Variants in ZBTB20 observed in about 807,000 individuals in gnomAD.
ZBTB20 encodes zinc finger and BTB domain containing 20, also known as zinc finger and BTB domain-containing protein 20.
ZBTB20 carries 9 observed loss-of-function variants against 56.9 expected under a neutral mutation model. The observed-to-expected ratio is 0.16, with a 90% CI of 0.10 to 0.28. ZBTB20 has a LOEUF of 0.28. Among genes scored for constraint, ZBTB20 ranks in the 10% least tolerant of loss-of-function variants. The pLI, the probability that ZBTB20 is intolerant of heterozygous loss-of-function variation, is 1.00. For missense variants in ZBTB20, 655 were observed against 1,003.0 expected, an observed-to-expected ratio of 0.65 and a Z score of 4.69; for synonymous variants, 417 against 420.7, an observed-to-expected ratio of 0.99 and a Z score of 0.11.
At chr3:114,571,929 T>C (rs1056890458) in intron 6 of ZBTB20, among the ~76,000 whole-genome samples, 4 of 152,304 alleles carry the variant, frequency 2.6e-5, no homozygotes, top group Middle Eastern at 3.4e-3. Context: ...TACACCTGTA[T>C]ACTCTGTCCC....
intron 6 of ZBTB20, among the ~76,000 whole-genome samples, chr3:114,606,064 T>C (rs2057123908): frequency 6.6e-6 from 1 of 152,154 alleles, no homozygotes; most frequent in South Asian, 2.1e-4. Flanking sequence ...CAGAGAACTG[T>C]ACTTATTGCA....
At chr3:114,386,291 G>A (rs1369626614) in intron 8 of ZBTB20, among the ~76,000 whole-genome samples, 2 of 151,734 alleles carry the variant, frequency 1.3e-5, no homozygotes, top group East Asian at 3.9e-4. Flanking sequence ...TTTAACCTTG[G>A]CAGGGCTGAT....
chr3:114,640,306 C>G (rs2059491432), intron 6 of ZBTB20, among the ~76,000 whole-genome samples: 1 of 152,062 alleles, frequency 6.6e-6, no homozygotes, highest in African/African-American at 2.4e-5. Context: ...TGATTCTCAG[C>G]AGGTGGCACT....
intron 6 of ZBTB20, among the ~76,000 whole-genome samples, chr3:114,666,043 T>C (rs2061037049): frequency 6.6e-6 from 1 of 152,040 alleles, no homozygotes; most frequent in Admixed American, 6.6e-5. Flanking sequence ...ACCGCATGCT[T>C]CCTTTGTCCC....
intron 6 of ZBTB20, chr3:114,658,504 T>C (rs1345802088): frequency 6.6e-6 from 1 of 152,220 alleles, no homozygotes; most frequent in African/African-American, 2.4e-5. Context: ...CTGCTCAGAA[T>C]TGAGATAAAA....
intron 7 of ZBTB20, among the ~76,000 whole-genome samples, chr3:114,395,130 C>T (rs549452422): frequency 1.3e-5 from 2 of 152,240 alleles, no homozygotes; most frequent in East Asian, 1.9e-4. Flanking sequence ...CCACTTCCCT[C>T]GTTTCTTTGC....
At chr3:115,042,779 C>T (rs759704551) in intron 2 of ZBTB20, among the ~76,000 whole-genome samples, 4 of 152,140 alleles carry the variant, frequency 2.6e-5, no homozygotes, top group Non-Finnish European at 5.9e-5. Flanking sequence ...CACAATTAAA[C>T]CAAGAAAGAT....
chr3:114,407,386 CT>C (rs1328079359), intron 7 of ZBTB20, among the ~76,000 whole-genome samples: 1 of 152,110 alleles, frequency 6.6e-6, no homozygotes, highest in Non-Finnish European at 1.5e-5. Flanking sequence ...CATTTATGCA[CT>C]TTTATTGCAA....
chr3:114,749,916 C>A (rs182853246), intron 5 of ZBTB20, among the ~76,000 whole-genome samples: 2 of 152,168 alleles, frequency 1.3e-5, no homozygotes, highest in South Asian at 4.1e-4. Context: ...AGCCAAATCA[C>A]CACATGCAGT....
intron 6 of ZBTB20, among the ~76,000 whole-genome samples, chr3:114,662,713 G>A (rs1371809186): frequency 6.7e-6 from 1 of 148,548 alleles, no homozygotes; most frequent in Non-Finnish European, 1.5e-5. Flanking sequence ...CTTTTGAGAA[G>A]TGTCTGTTCA....
intron 3 of ZBTB20, among the ~76,000 whole-genome samples, chr3:114,908,262 T>A (rs983814990): frequency 5.9e-5 from 9 of 151,978 alleles, no homozygotes; most frequent in African/African-American, 2.2e-4. Context: ...ATAGAAACAT[T>A]TCTGTACGAA....
At chr3:114,374,870 G>T (rs1173878247) in intron 10 of ZBTB20, among the ~76,000 whole-genome samples, 1 of 152,132 alleles carries the variant, frequency 6.6e-6, no homozygotes, top group East Asian at 1.9e-4. Flanking sequence ...CTTTTCATGT[G>T]AACAGGTGCC....
intron 7 of ZBTB20, among the ~76,000 whole-genome samples, chr3:114,403,260 A>G (rs1253792851): frequency 6.6e-6 from 1 of 152,178 alleles, no homozygotes; most frequent in Non-Finnish European, 1.5e-5. Context: ...GGGCTATGCC[A>G]GACTCTCACC....
At chr3:114,546,978 A>G (rs1385534371) in intron 6 of ZBTB20, among the ~76,000 whole-genome samples, 2 of 152,226 alleles carry the variant, frequency 1.3e-5, no homozygotes, top group African/African-American at 4.8e-5. Flanking sequence ...GCTAACATAG[A>G]GAAAGCAGAG....
At chr3:114,827,981 C>G (rs2073631168) in intron 4 of ZBTB20, among the ~76,000 whole-genome samples, 2 of 151,734 alleles carry the variant, frequency 1.3e-5, no homozygotes. Context: ...CAAAAGTCTA[C>G]ATTCTATTAA....
intron 4 of ZBTB20, among the ~76,000 whole-genome samples, chr3:114,820,721 A>G (rs2073191725): frequency 1.3e-5 from 2 of 152,122 alleles, no homozygotes; most frequent in African/African-American, 4.8e-5. Context: ...GTGCATAAAG[A>G]ACATCTATTG....
intron 7 of ZBTB20, among the ~76,000 whole-genome samples, chr3:114,460,356 A>AG (rs1464639551): frequency 6.6e-6 from 1 of 152,080 alleles, no homozygotes; most frequent in Non-Finnish European, 1.5e-5. Context: ...TACGTGGCAA[A>AG]GGGGTCTTGC....
rs150847935 is a variant in ZBTB20, at chr3:114,509,425, G to GT, written c.-294-9035_-294-9034insA. Among the ~76,000 whole-genome samples, 709 of 150,064 alleles carry GT rather than the reference G, an allele frequency of 4.7e-3. 5 individuals carry two copies. Among genetic ancestry groups the GT allele is most frequent in the African/African-American group, 0.016 (651 of 40,818 alleles). ...GTATTTGGGGAGTGTGTGTGTGTGT[G>GT]GTGGTGGTGGTGGTGGTGGTGGTGG... On this transcript the variant is annotated intron_variant, in intron 6 of 11. Transcript: ENST00000675478.
At chr3:114,923,636 C>T (rs2076042574) in intron 3 of ZBTB20, among the ~76,000 whole-genome samples, 1 of 152,010 alleles carries the variant, frequency 6.6e-6, no homozygotes, top group African/African-American at 2.4e-5. Flanking sequence ...TAAAACAAAG[C>T]TCCTTGACAT....
Sources: gnomAD v4.1 joint callset for allele counts (sites outside exome capture counted in the v4.1 genomes callset) on GRCh38, gnomAD v4.1.1 for gene constraint, MANE v1.5 for transcripts, NCBI Gene and HGNC (gene_info 2026-07-23, HGNC 2026-07-21) for gene names.